Variants in KANK1 observed in about 807,000 individuals in gnomAD.
The protein encoded by KANK1 is KN motif and ankyrin repeat domains 1.
In KANK1, 109 loss-of-function variants were observed where a neutral mutation model predicts 106.2. The ratio of observed to expected loss-of-function variants is 1.03; its 90% confidence interval spans 0.88 to 1.20. The LOEUF is 1.20. Ranked by LOEUF, KANK1 falls within the 50% of genes most tolerant of loss-of-function variation. The pLI, the probability that KANK1 is intolerant of heterozygous loss-of-function variation, is 0.00. For missense variants in KANK1, 2,399 were observed against 1,710.7 expected, an observed-to-expected ratio of 1.40 and a Z score of -7.10; for synonymous variants, 873 against 652.2, an observed-to-expected ratio of 1.34 and a Z score of -5.16.
intron 1 of KANK1, chr9:540,756 ATG>A (rs1360507212): frequency 6.6e-6 from 1 of 152,138 alleles, no homozygotes; most frequent in Non-Finnish European, 1.5e-5. Flanking sequence ...TGTAAGTTGT[ATG>A]TTTCTAGGAA....
At chr9:507,598 C>T (rs1303321310) in intron 1 of KANK1, among the ~76,000 whole-genome samples, 1 of 146,474 alleles carries the variant, frequency 6.8e-6, no homozygotes, top group Non-Finnish European at 1.5e-5. Context: ...CGATCTGTTG[C>T]CAGGCTGGAG....
At chr9:612,088 T>C (rs942760473) in intron 1 of KANK1, among the ~76,000 whole-genome samples, 1 of 152,318 alleles carries the variant, frequency 6.6e-6, no homozygotes, top group African/African-American at 2.4e-5. Flanking sequence ...TGGCTTTCAT[T>C]TGCATAATGA....
chr9:726,804 A>G (rs923446171), intron 3 of KANK1, among the ~76,000 whole-genome samples: 6 of 151,252 alleles, frequency 4.0e-5, no homozygotes, highest in African/African-American at 1.5e-4. Flanking sequence ...TACTAACAAT[A>G]CAAAAATTAG....
chr9:627,255 T>G (rs1244213183), intron 1 of KANK1, among the ~76,000 whole-genome samples: 2 of 152,096 alleles, frequency 1.3e-5, no homozygotes, highest in African/African-American at 4.8e-5. Context: ...AGAACCCCAG[T>G]CTCCATTCCC....
At position 504,721 on chromosome 9, in the gene KANK1, C is replaced by CGAGCGGCCGGCAGGTTGGGAG. The variant is rs1751478628; in HGVS notation, c.-107_-87dup. 7.0e-6 allele frequency: 1 copy of CGAGCGGCCGGCAGGTTGGGAG among 142,878 alleles called. No homozygotes were observed. The highest frequency in any genetic ancestry group is 7.3e-5 in the Admixed American group (1 of 13,656). The allele number at this position is 142,878 out of a possible 1,614,324, so 8.9% of individuals were successfully genotyped here. Reference sequence around the variant, plus strand: ...AGCTCCGGGTCCGCGGCGGAGCGAGCGAGCGGCCGGCAGGTTGGGAGGAGC... The same window carrying CGAGCGGCCGGCAGGTTGGGAG: ...AGCTCCGGGTCCGCGGCGGAGCGAGCGAGCGGCCGGCAGGTTGGGAGGAGCGGCCGGCAGGTTGGGAGGAGC... On this transcript the variant is annotated 5_prime_UTR_variant, in exon 1 of 12. Coordinates refer to ENST00000382297, the MANE Select transcript of KANK1 (RefSeq NM_015158.5).
rs542058897 is a variant in KANK1, at chr9:519,040, A to C, written c.-84+14286A>C. Among the ~76,000 whole-genome samples, 4 of 151,514 alleles carry C rather than the reference A, an allele frequency of 2.6e-5. No homozygotes were observed. The East Asian group carries it at 7.7e-4, about 29-fold the overall frequency. On this transcript the variant is annotated intron_variant, in intron 1 of 11. Coordinates refer to ENST00000382297, the MANE Select transcript of KANK1 (RefSeq NM_015158.5). Reference sequence around the variant, plus strand: ...CGAGTAGCTGGGATTACAGGCATGCACCACCAGGCCTGACTAATTTTGTAT... The same window carrying C: ...CGAGTAGCTGGGATTACAGGCATGCCCCACCAGGCCTGACTAATTTTGTAT...
In KANK1 at chr9:488,622, G is replaced by A. The variant is rs1394033486; in HGVS notation, c.-362+15349G>A. On this transcript the variant is annotated intron_variant, in intron 3 of 15. Coordinates refer to the KANK1 transcript ENST00000382303. Reference sequence around the variant, plus strand: ...TGTCTCATTCACAGGGTTACTGGGGGAATGAATCAGTCAATGTAATCAAAA... The same window carrying A: ...TGTCTCATTCACAGGGTTACTGGGGAAATGAATCAGTCAATGTAATCAAAA... 2.0e-5 allele frequency among the ~76,000 whole-genome samples: 3 copies of A among 152,092 alleles called. No homozygotes were observed. In the East Asian group the frequency reaches 5.8e-4, roughly 29 times the overall value.
At chr9:549,936 G>T (rs915505810) in intron 1 of KANK1, among the ~76,000 whole-genome samples, 2 of 152,110 alleles carry the variant, frequency 1.3e-5, no homozygotes, top group African/African-American at 4.8e-5. Flanking sequence ...CCTGGGTTGA[G>T]GGGGCAGTGG....
chr9:499,640 C>T (rs920406660), intron 3 of KANK1, among the ~76,000 whole-genome samples: 1 of 152,060 alleles, frequency 6.6e-6, no homozygotes, highest in African/African-American at 2.4e-5. Flanking sequence ...GACATGTGGG[C>T]CTGAGACACC....
chr9:627,848 A>G (rs1303193881), intron 1 of KANK1, among the ~76,000 whole-genome samples: 1 of 152,222 alleles, frequency 6.6e-6, no homozygotes, highest in East Asian at 1.9e-4. Context: ...TTTTAGGCCA[A>G]ATAGGGCTAG....
chr9:555,477 A>T (rs1224943325), intron 1 of KANK1, among the ~76,000 whole-genome samples: 1 of 152,272 alleles, frequency 6.6e-6, no homozygotes, highest in Admixed American at 6.5e-5. Context: ...CAAATGAGTG[A>T]ACATAAATCA....
chr9:490,342 C>G (rs2058357734), intron 3 of KANK1, among the ~76,000 whole-genome samples: 1 of 151,738 alleles, frequency 6.6e-6, no homozygotes, highest in Non-Finnish European at 1.5e-5. Context: ...CTCATCCCTA[C>G]TAAAATTAAA....
intron 3 of KANK1, among the ~76,000 whole-genome samples, chr9:480,984 A>G (rs2058193993): frequency 1.3e-5 from 2 of 152,242 alleles, no homozygotes; most frequent in Admixed American, 1.3e-4. Flanking sequence ...AAGTGAAAAA[A>G]TGCATTTAGT....
chr9:724,745 T>C (rs1008503086), intron 3 of KANK1, among the ~76,000 whole-genome samples: 2 of 151,860 alleles, frequency 1.3e-5, no homozygotes, highest in Non-Finnish European at 2.9e-5. Flanking sequence ...GAGGTTGCAG[T>C]GAGCAGAGAT....
At chr9:576,808 G>A (rs930263264) in intron 1 of KANK1, among the ~76,000 whole-genome samples, 10 of 152,016 alleles carry the variant, frequency 6.6e-5, no homozygotes, top group Non-Finnish European at 1.2e-4. Flanking sequence ...CATGTACCTG[G>A]TGCATGATAA....
At chr9:582,188 C>T (rs976835016) in intron 1 of KANK1, among the ~76,000 whole-genome samples, 3 of 152,042 alleles carry the variant, frequency 2.0e-5, no homozygotes, top group Non-Finnish European at 4.4e-5. Flanking sequence ...TGGCAACTGC[C>T]CTTCTTCATG....
At chr9:664,819 G>A (rs75089503) in intron 1 of KANK1, among the ~76,000 whole-genome samples, 5 of 151,994 alleles carry the variant, frequency 3.3e-5, no homozygotes, top group Non-Finnish European at 7.4e-5. Context: ...TTCTTTCTCT[G>A]CATCCTCACC....
At position 595,979 on chromosome 9, in the gene KANK1, G is replaced by A. The variant is rs1043469341; in HGVS notation, c.-83-80911G>A. Among the ~76,000 whole-genome samples the A allele has an allele frequency of 2.6e-5, 4 of 151,858 alleles. No homozygotes were observed. The South Asian group carries it at 8.3e-4, about 31-fold the overall frequency. ...GACTTTTTTGAATTTGGGAATATTT[G>A]CATATACATAATGAAATTCCTTGGG... On this transcript the variant is annotated intron_variant, in intron 1 of 11. Coordinates refer to ENST00000382297, the MANE Select transcript of KANK1 (RefSeq NM_015158.5).
intron 1 of KANK1, among the ~76,000 whole-genome samples, chr9:632,661 C>A (rs1159969121): frequency 6.6e-6 from 1 of 152,048 alleles, no homozygotes; most frequent in Non-Finnish European, 1.5e-5. Flanking sequence ...TGCTTTGATC[C>A]TCATGAGATA....
Sources: gnomAD v4.1 joint callset for allele counts (sites outside exome capture counted in the v4.1 genomes callset) on GRCh38, gnomAD v4.1.1 for gene constraint, MANE v1.5 for transcripts, NCBI Gene and HGNC (gene_info 2026-07-23, HGNC 2026-07-21) for gene names.